PLEKHA8: variants seen among roughly 807,000 people sequenced by gnomAD.
The protein encoded by PLEKHA8 is pleckstrin homology domain containing A8, also known as pleckstrin homology domain-containing family A member 8.
PLEKHA8 carries 36 observed loss-of-function variants against 68.2 expected under a neutral mutation model. The observed-to-expected ratio is 0.53, with a 90% confidence interval of 0.40 to 0.70. The LOEUF is 0.70. Among genes scored for constraint, PLEKHA8 ranks in the 30% least tolerant of loss-of-function variants. PLEKHA8 has a pLI of 0.00. For synonymous variants in PLEKHA8, 211 were observed against 216.1 expected, an observed-to-expected ratio of 0.98 and a Z score of 0.20; for missense variants, 505 against 615.4, an observed-to-expected ratio of 0.82 and a Z score of 1.90.
rs772467267 is a variant in PLEKHA8, at chr7:30,062,739, CTAAG to C, written c.1300+3_1300+6del. ...TGGGGAGAAGGATATCCAGACAGCC[CTAAG>C]TAAGTGTTCTTTATGTTTTGTTGAA... On this transcript the variant is annotated splice_donor_variant and coding_sequence_variant, in exon 12 of 14. Transcript: ENST00000449726. LOFTEE classifies it high-confidence loss of function. 8 of 1,611,872 alleles carry C rather than the reference CTAAG, an allele frequency of 5.0e-6. No individual in the cohort carries two copies. Among genetic ancestry groups the C allele is most frequent in the Admixed American group, 3.3e-5 (2 of 59,936 alleles).
At position 30,028,571 on chromosome 7, in the gene PLEKHA8, G is replaced by T. The variant is rs560571675; in HGVS notation, c.-192G>T. On this transcript the variant is annotated 5_prime_UTR_variant, in exon 1 of 14. Coordinates refer to ENST00000449726, the MANE Select transcript of PLEKHA8 (RefSeq NM_001197026.2). Reference sequence around the variant, plus strand: ...ACCGGCTGGCTGGGCTTCAAGCGCCGAGGCCGCCGCAGTGACCCCGCCCCC... The same window carrying T: ...ACCGGCTGGCTGGGCTTCAAGCGCCTAGGCCGCCGCAGTGACCCCGCCCCC... The T allele has an allele frequency of 1.4e-3, 542 of 393,528 alleles. 5 individuals are homozygous for T. The highest frequency in any genetic ancestry group is 0.01 in the African/African-American group (486 of 48,144). The allele number at this position is 393,528 out of a possible 1,614,324, so 24.4% of individuals were successfully genotyped here.
At position 30,061,911 on chromosome 7, in the gene PLEKHA8, G is replaced by A. The variant is rs1029042882; in HGVS notation, c.1113G>A (p.Lys371=). Residue 371 remains lysine (K), a synonymous_variant, in exon 11 of 14, where the codon AAG becomes AAA. Coordinates refer to ENST00000449726, the MANE Select transcript of PLEKHA8 (RefSeq NM_001197026.2). ...TTTCCCTCCAGAAAGTAAATCAGAA[G>A]TATATAACCAACAAAGAAGAGTTTA... is the stretch of plus-strand genomic sequence containing the variant. ...LVGNIKKVNQ[K]YITNKEEFTT... is the part of the protein sequence containing the mutation. The A allele has an allele frequency of 2.2e-5, 35 of 1,613,876 alleles. No individual in the cohort carries two copies. The highest frequency in any genetic ancestry group is 2.5e-5 in the Non-Finnish European group (30 of 1,179,996).
At chr7:30,077,919 CA>C (rs1794708783) in intron 13 of PLEKHA8, among the ~76,000 whole-genome samples, 1 of 152,086 alleles carries the variant, frequency 6.6e-6, no homozygotes, top group African/African-American at 2.4e-5. Flanking sequence ...GGTTGAAAAA[CA>C]CAGAGATGAT....
intron 9 of PLEKHA8, among the ~76,000 whole-genome samples, chr7:30,059,483 A>T (rs982859017): frequency 6.6e-6 from 1 of 151,818 alleles, no homozygotes; most frequent in Non-Finnish European, 1.5e-5. Context: ...TTATCTTGGT[A>T]TTTGTTTCTA....
intron 12 of PLEKHA8, among the ~76,000 whole-genome samples, chr7:30,071,053 A>G (rs1247551529): frequency 1.3e-5 from 2 of 152,222 alleles, no homozygotes; most frequent in Non-Finnish European, 2.9e-5. Context: ...AAAAACTAGC[A>G]GAATATTTTT....
chr7:30,049,574 C>T, intron 5 of PLEKHA8, 192 bp downstream of exon 5: 1 of 648,066 alleles, frequency 1.5e-6, no homozygotes. Context: ...ATTTTACCAC[C>T]TAAACATGTT....
chr7:30,080,211 A>C lies in PLEKHA8; in HGVS notation c.*1424A>C. 1.0e-6 allele frequency: 1 copy of C among 985,424 alleles called. No homozygotes were observed. Among genetic ancestry groups the C allele is most frequent in the South Asian group, 4.7e-5 (1 of 21,288 alleles). The allele number at this position is 985,424 out of a possible 1,614,324, so 61.0% of individuals were successfully genotyped here. ...TTAAACTTCTTAAAACTTAAGAAAC[A>C]TTGTTTCATAAAACAATATTGAGTG... is the stretch of plus-strand genomic sequence containing the variant. On this transcript the variant is annotated 3_prime_UTR_variant, in exon 14 of 14. Transcript: ENST00000449726.
At chr7:30,075,251 T>C (rs536963382) in intron 13 of PLEKHA8, 1 of 152,256 alleles carries the variant, frequency 6.6e-6, no homozygotes, top group South Asian at 2.1e-4. Context: ...AGCATGGAGA[T>C]TAAAGCTCCA....
intron 1 of PLEKHA8, among the ~76,000 whole-genome samples, chr7:30,038,447 A>T (rs1034998635): frequency 6.6e-6 from 1 of 152,226 alleles, no homozygotes; most frequent in Non-Finnish European, 1.5e-5. Flanking sequence ...GAAGGTCTCC[A>T]AGAAAATTGG....
chr7:30,030,543 G>A (rs1230999795), intron 1 of PLEKHA8, among the ~76,000 whole-genome samples: 1 of 152,214 alleles, frequency 6.6e-6, no homozygotes, highest in Non-Finnish European at 1.5e-5. Flanking sequence ...AATGCTGTGA[G>A]TGGTGCTAGG....
chr7:30,073,924 A>C, intron 12 of PLEKHA8, 147 bp from the exon 13 acceptor site: 1 of 543,346 alleles, frequency 1.8e-6, no homozygotes, highest in Non-Finnish European at 3.2e-6. Context: ...CAGGAGTTCA[A>C]GGCTGCAACT....
chr7:30,094,274 A>AC (rs144840080), downstream of PLEKHA8, among the ~76,000 whole-genome samples: 2,148 of 147,098 alleles, frequency 0.015, 34 homozygotes, highest in East Asian at 0.041. Flanking sequence ...GCAAGTTTCT[A>AC]CTTTTTTTTT....
chr7:30,129,345 T>C lies in PLEKHA8; in HGVS notation c.*74T>C. ...AACTCTGAGGATGGAAGCCACACAC[T>C]AAGGACGGTAAAGCAGAAAGAAGAG... On this transcript the variant is annotated 3_prime_UTR_variant, in exon 14 of 14. Transcript: ENST00000396257. The C allele has an allele frequency of 4.3e-6, 7 of 1,612,438 alleles. No individual in the cohort carries two copies. The South Asian group carries it at 7.7e-5, about 18-fold the overall frequency.
intron 13 of PLEKHA8, chr7:30,116,060 G>GCATACGTATACATGTATA (rs1459070364): frequency 7.1e-6 from 1 of 141,550 alleles, no homozygotes; most frequent in African/African-American, 2.7e-5. Context: ...ACATACGTAT[G>GCATACGTATACATGTATA]CATACGTATA....
At chr7:30,061,668 A>G (rs1053463477) in intron 10 of PLEKHA8, among the ~76,000 whole-genome samples, 8 of 152,244 alleles carry the variant, frequency 5.3e-5, no homozygotes, top group African/African-American at 1.9e-4. Context: ...GGCAGAAAAA[A>G]TAACTTTAAG....
chr7:30,101,622 C>T (rs563886903), intron 13 of PLEKHA8, among the ~76,000 whole-genome samples: 51 of 152,146 alleles, frequency 3.4e-4, no homozygotes, highest in Non-Finnish European at 5.4e-4. Context: ...TCACCTTAGG[C>T]GCTAGGATTT....
chr7:30,069,219 G>C (rs562932825), intron 12 of PLEKHA8, among the ~76,000 whole-genome samples: 2 of 152,278 alleles, frequency 1.3e-5, no homozygotes, highest in South Asian at 4.1e-4. Flanking sequence ...TGCCAGACTT[G>C]ACTACCTGCT....
intron 1 of PLEKHA8, among the ~76,000 whole-genome samples, chr7:30,040,302 T>C (rs959485653): frequency 1.3e-5 from 2 of 152,224 alleles, no homozygotes; most frequent in Non-Finnish European, 2.9e-5. Context: ...TTCTTCCTTC[T>C]CCTTCTGTCC....
chr7:30,088,446 G>A (rs1180440972), downstream of PLEKHA8, among the ~76,000 whole-genome samples: 3 of 152,070 alleles, frequency 2.0e-5, no homozygotes. Context: ...TCAGGCTTAG[G>A]AATGTGGCCT....
Sources: allele counts gnomAD v4.1 joint callset (sites outside exome capture counted in the v4.1 genomes callset), GRCh38; gene constraint gnomAD v4.1.1; transcripts MANE v1.5; gene names NCBI Gene and HGNC (gene_info 2026-07-23, HGNC 2026-07-21).